ZC3H12B: variants seen among roughly 807,000 people sequenced by gnomAD.
ZC3H12B encodes zinc finger CCCH-type containing 12B.
ZC3H12B carries 7 observed loss-of-function variants against 43.9 expected under a neutral mutation model. The observed-to-expected ratio is 0.16, with a 90% confidence interval of 0.09 to 0.30. The LOEUF is 0.30. Ranked by LOEUF, ZC3H12B falls within the 10% of genes least tolerant of loss-of-function variation. The pLI, the probability that ZC3H12B is intolerant of heterozygous loss-of-function variation, is 1.00. For synonymous variants in ZC3H12B, 222 were observed against 241.7 expected (o/e 0.92, Z 0.76); for missense variants, 475 against 670.2 (o/e 0.71, Z 3.22).
chrX:65,156,684 T>C, the ZC3H12B span, among the ~76,000 whole-genome samples: 1 of 110,412 alleles, frequency 9.1e-6, no homozygotes, highest in East Asian at 2.9e-4. Flanking sequence ...CAAGGCCAAT[T>C]TTTAAACTTT....
chrX:65,179,477 T>G, the ZC3H12B span, among the ~76,000 whole-genome samples: 1 of 106,133 alleles, frequency 9.4e-6, no homozygotes, highest in Non-Finnish European at 1.9e-5. Context: ...GCAGAAGACA[T>G]GAAATAACTA....
chrX:65,111,982 C>T, the ZC3H12B span, among the ~76,000 whole-genome samples: 4 of 112,080 alleles, frequency 3.6e-5, no homozygotes, highest in East Asian at 2.8e-4. Context: ...GTGAAGAGGG[C>T]ATTTTGAAAG....
the ZC3H12B span, among the ~76,000 whole-genome samples, chrX:65,279,997 G>T: frequency 8.9e-6 from 1 of 112,259 alleles, no homozygotes; most frequent in African/African-American, 3.2e-5. Context: ...AATGCCAGTT[G>T]TTCTGAAAAT....
At chrX:65,306,998 G>A in the ZC3H12B span, among the ~76,000 whole-genome samples, 1 of 112,530 alleles carries the variant, frequency 8.9e-6, no homozygotes, top group Non-Finnish European at 1.9e-5. Flanking sequence ...AAGCAGATAA[G>A]TGGGTATGGT....
the ZC3H12B span, among the ~76,000 whole-genome samples, chrX:65,146,241 C>A: frequency 9.0e-6 from 1 of 111,660 alleles, no homozygotes. Context: ...TCTTCAAGCT[C>A]TGAAGTGCTT....
the ZC3H12B span, among the ~76,000 whole-genome samples, chrX:65,347,659 A>G: frequency 8.9e-6 from 1 of 112,592 alleles, no homozygotes; most frequent in East Asian, 2.8e-4. Context: ...TAGTTCAACC[A>G]TTGTGGAAGT....
chrX:65,193,519 TTC>T, the ZC3H12B span, among the ~76,000 whole-genome samples: 3 of 111,906 alleles, frequency 2.7e-5, no homozygotes, highest in African/African-American at 9.7e-5. Flanking sequence ...TATTTGGGTT[TTC>T]TCTCTTTTTT....
the ZC3H12B span, among the ~76,000 whole-genome samples, chrX:65,242,089 C>T: frequency 1.8e-5 from 2 of 110,991 alleles, no homozygotes; most frequent in Admixed American, 1.9e-4. Flanking sequence ...TCACCACTTT[C>T]CTTGGCTAGG....
chrX:65,323,483 G>C, the ZC3H12B span, among the ~76,000 whole-genome samples: 2 of 111,790 alleles, frequency 1.8e-5, no homozygotes, highest in Non-Finnish European at 3.8e-5. Flanking sequence ...TGAGAATGAT[G>C]GTTTCCAGCT....
chrX:65,226,485 A>G, the ZC3H12B span, among the ~76,000 whole-genome samples: 1 of 111,753 alleles, frequency 8.9e-6, no homozygotes, highest in Non-Finnish European at 1.9e-5. Flanking sequence ...AATGAGCAAA[A>G]TAACCAGCTA....
the ZC3H12B span, among the ~76,000 whole-genome samples, chrX:65,284,218 G>A: frequency 2.1e-5 from 2 of 94,642 alleles, no homozygotes; most frequent in African/African-American, 9.2e-5. Flanking sequence ...TATACCAGAT[G>A]TACAGATATC....
At chrX:65,352,725 C>A in the ZC3H12B span, among the ~76,000 whole-genome samples, 1 of 111,753 alleles carries the variant, frequency 8.9e-6, no homozygotes, top group South Asian at 3.7e-4. Context: ...CTATTGGCAC[C>A]ATTTTTCCAA....
At chrX:65,294,847 AC>A in the ZC3H12B span, among the ~76,000 whole-genome samples, 1 of 111,430 alleles carries the variant, frequency 9.0e-6, no homozygotes, top group African/African-American at 3.3e-5. Context: ...TTTCAAATCT[AC>A]AAAACTATAA....
At chrX:65,216,943 G>A in the ZC3H12B span, among the ~76,000 whole-genome samples, 5 of 111,620 alleles carry the variant, frequency 4.5e-5, no homozygotes, top group African/African-American at 1.3e-4. Flanking sequence ...TTGAATTAGT[G>A]GCAGTTAGGC....
At chrX:65,171,472 TA>T in the ZC3H12B span, among the ~76,000 whole-genome samples, 1 of 111,235 alleles carries the variant, frequency 9.0e-6, no homozygotes, top group Non-Finnish European at 1.9e-5. Context: ...GTCTATAAGT[TA>T]GGCTACTCGG....
chrX:65,234,046 C>T, the ZC3H12B span, among the ~76,000 whole-genome samples: 4 of 110,884 alleles, frequency 3.6e-5, no homozygotes, highest in Non-Finnish European at 7.6e-5. Flanking sequence ...ATGCTAAGAC[C>T]GGACAAAAAC....
At chrX:65,388,066 C>T (rs1330951999) in intron 2 of ZC3H12B, among the ~76,000 whole-genome samples, 1 of 111,776 alleles carries the variant, frequency 8.9e-6, no homozygotes, top group African/African-American at 3.3e-5. Context: ...CTCTGGCTGC[C>T]CTTGCCATTT....
the ZC3H12B span, among the ~76,000 whole-genome samples, chrX:65,079,788 A>T: frequency 9.0e-6 from 1 of 111,219 alleles, no homozygotes; most frequent in African/African-American, 3.3e-5. Flanking sequence ...GACTACATTA[A>T]ATCCTTAACT....
At chrX:65,439,576 G>A (rs953851932) in intron 3 of ZC3H12B, among the ~76,000 whole-genome samples, 12 of 111,741 alleles carry the variant, frequency 1.1e-4, no homozygotes, top group African/African-American at 3.9e-4. Context: ...TCAATTATAG[G>A]AGCAGATTTA....
Sources: gnomAD v4.1 joint callset for allele counts (sites outside exome capture counted in the v4.1 genomes callset) on GRCh38, gnomAD v4.1.1 for gene constraint, MANE v1.5 for transcripts, NCBI Gene and HGNC (gene_info 2026-07-23, HGNC 2026-07-21) for gene names.